The following DACH2 variants were observed in gnomAD, a reference collection of about 807,000 sequenced individuals.
DACH2 encodes dachshund homolog 2.
A neutral mutation model predicts 35.8 loss-of-function variants in DACH2; 17 were observed. The ratio of observed to expected loss-of-function variants is 0.48; its 90% CI spans 0.33 to 0.71. The LOEUF (loss-of-function observed/expected upper bound fraction) is 0.71. Ranked by LOEUF, DACH2 falls within the 30% of genes least tolerant of loss-of-function variation. The pLI, the probability that DACH2 is intolerant of heterozygous loss-of-function variation, is 0.02. For missense variants in DACH2, 469 were observed against 472.7 expected (o/e 0.99, Z 0.07); for synonymous variants, 195 against 177.3 (o/e 1.10, Z -0.79).
At chrX:86,454,677 T>C (rs2037442154) in intron 2 of DACH2, among the ~76,000 whole-genome samples, 1 of 111,898 alleles carries the variant, frequency 8.9e-6, no homozygotes, top group Non-Finnish European at 1.9e-5. Flanking sequence ...TCCTGTATTA[T>C]TTGTCATGAT....
intron 1 of DACH2, among the ~76,000 whole-genome samples, chrX:86,265,024 G>A (rs1422012496): frequency 2.7e-5 from 3 of 110,940 alleles, no homozygotes; most frequent in Non-Finnish European, 5.7e-5. Flanking sequence ...AGTTGGGAGG[G>A]GTTCGTAATC....
intron 11 of DACH2, among the ~76,000 whole-genome samples, chrX:86,821,629 T>C (rs988584967): frequency 9.0e-6 from 1 of 111,717 alleles, no homozygotes; most frequent in African/African-American, 3.3e-5. Flanking sequence ...GTACACATTA[T>C]ACTTCTAATT....
chrX:86,564,918 C>A (rs746850715), intron 3 of DACH2, among the ~76,000 whole-genome samples: 2 of 111,354 alleles, frequency 1.8e-5, no homozygotes, highest in East Asian at 5.7e-4. Context: ...AAGCTATCAT[C>A]TCTTTTCACT....
At chrX:86,667,525 GA>G (rs763234604) in intron 4 of DACH2, among the ~76,000 whole-genome samples, 202 of 60,624 alleles carry the variant, frequency 3.3e-3, no homozygotes, top group African/African-American at 0.011. Context: ...AAGAAAGAAA[GA>G]AAGAAAGAAA....
intron 11 of DACH2, among the ~76,000 whole-genome samples, chrX:86,817,043 C>T (rs2042460498): frequency 9.0e-6 from 1 of 111,405 alleles, no homozygotes; most frequent in Non-Finnish European, 1.9e-5. Context: ...ATCTAAGAGT[C>T]ACCATTTTAT....
intron 1 of DACH2, among the ~76,000 whole-genome samples, chrX:86,284,283 G>A (rs2034098893): frequency 9.0e-6 from 1 of 110,810 alleles, no homozygotes; most frequent in Non-Finnish European, 1.9e-5. Context: ...AGATTTTTAG[G>A]GTATTTATCA....
intron 3 of DACH2, among the ~76,000 whole-genome samples, chrX:86,554,651 A>G (rs61248146): frequency 0.015 from 1,652 of 111,793 alleles, 26 homozygotes; most frequent in African/African-American, 0.049. Context: ...ATATGATGCC[A>G]TAGAATGAGA....
intron 2 of DACH2, among the ~76,000 whole-genome samples, chrX:86,411,601 A>T (rs1331211949): frequency 8.9e-6 from 1 of 111,979 alleles, no homozygotes; most frequent in Non-Finnish European, 1.9e-5. Context: ...TAAAGTTAAC[A>T]ATACTTAAAT....
At chrX:86,292,853 G>T (rs1273383926) in intron 1 of DACH2, among the ~76,000 whole-genome samples, 1 of 108,207 alleles carries the variant, frequency 9.2e-6, no homozygotes, top group African/African-American at 3.4e-5. Context: ...CAAGTATGTG[G>T]TCAATTTTGG....
chrX:86,292,789 G>C (rs1308783622), intron 1 of DACH2, among the ~76,000 whole-genome samples: 1 of 111,806 alleles, frequency 8.9e-6, no homozygotes, highest in Non-Finnish European at 1.9e-5. Context: ...TAGTCTGAGA[G>C]ATAGTTTGTT....
At chrX:86,819,506 A>G (rs2042487431) in intron 11 of DACH2, among the ~76,000 whole-genome samples, 1 of 112,318 alleles carries the variant, frequency 8.9e-6, no homozygotes, top group African/African-American at 3.2e-5. Flanking sequence ...AAAGCAAATT[A>G]AATTAGCACA....
At chrX:86,606,089 C>T (rs1195975375) in intron 3 of DACH2, among the ~76,000 whole-genome samples, 2 of 110,808 alleles carry the variant, frequency 1.8e-5, no homozygotes, top group Non-Finnish European at 3.8e-5. Flanking sequence ...CCTTGCTTTA[C>T]TGTGTGTCTT....
intron 2 of DACH2, among the ~76,000 whole-genome samples, chrX:86,399,908 C>T (rs1357119178): frequency 9.0e-6 from 1 of 111,173 alleles, no homozygotes; most frequent in African/African-American, 3.3e-5. Flanking sequence ...TCTGTGTTTC[C>T]TGAATTTGAG....
intron 11 of DACH2, among the ~76,000 whole-genome samples, chrX:86,826,988 T>A (rs1431114053): frequency 8.9e-6 from 1 of 111,894 alleles, no homozygotes; most frequent in Non-Finnish European, 1.9e-5. Flanking sequence ...AAAAGAAAGG[T>A]TTGATAGCCT....
At chrX:86,536,815 A>G (rs191367397) in intron 3 of DACH2, among the ~76,000 whole-genome samples, 224 of 112,113 alleles carry the variant, frequency 2.0e-3, no homozygotes, top group African/African-American at 6.5e-3. Flanking sequence ...TGTTCTCAGG[A>G]CCACCTGAGG....
chrX:86,573,985 C>T (rs372090169), intron 3 of DACH2, among the ~76,000 whole-genome samples: 1 of 111,890 alleles, frequency 8.9e-6, no homozygotes, highest in African/African-American at 3.2e-5. Context: ...AAGTGAAAAG[C>T]ACAGTATTAT....
chrX:86,732,456 T>C (rs928386765), intron 6 of DACH2, among the ~76,000 whole-genome samples: 5 of 112,552 alleles, frequency 4.4e-5, no homozygotes, highest in African/African-American at 9.7e-5. Flanking sequence ...AAAGCCATCA[T>C]AATTTGTTAG....
chrX:86,230,238 A>T (rs1300967640), intron 1 of DACH2, among the ~76,000 whole-genome samples: 1 of 109,625 alleles, frequency 9.1e-6, no homozygotes, highest in Non-Finnish European at 1.9e-5. Flanking sequence ...TTTTGTTTTT[A>T]ATTCTGTTTA....
In DACH2 at chrX:86,397,862, G is replaced by T. The variant is rs762274540; in HGVS notation, c.527+21000G>T. Among the ~76,000 whole-genome samples the T allele has an allele frequency of 5.0e-4, 56 of 111,602 alleles. 1 individual carries two copies. Among genetic ancestry groups the T allele is most frequent in the African/African-American group, 6.2e-4 (19 of 30,750 alleles). On this transcript the variant is annotated intron_variant, in intron 2 of 11. Coordinates refer to ENST00000373125, the MANE Select transcript of DACH2 (RefSeq NM_053281.3). Reference sequence around the variant, plus strand: ...TGGTCTAAAATTCTCTTTTTTGGTTGTGTCTCTGCCAGGCTTTGGTATCAG... The same window carrying T: ...TGGTCTAAAATTCTCTTTTTTGGTTTTGTCTCTGCCAGGCTTTGGTATCAG...
Sources: gnomAD v4.1 joint callset for allele counts (sites outside exome capture counted in the v4.1 genomes callset) on GRCh38, gnomAD v4.1.1 for gene constraint, MANE v1.5 for transcripts, NCBI Gene and HGNC (gene_info 2026-07-23, HGNC 2026-07-21) for gene names.